OSBPL10: variants seen among roughly 807,000 people sequenced by gnomAD.
OSBPL10 encodes the protein oxysterol-binding protein-related protein 10.
A neutral mutation model predicts 81.7 loss-of-function variants in OSBPL10; 49 were observed. That is an observed-to-expected ratio of 0.60 (90% CI 0.48 to 0.76). The LOEUF (loss-of-function observed/expected upper bound fraction) is 0.76, where lower values mean the gene tolerates loss of function less well. OSBPL10 is among the 30% of genes least tolerant of loss of function. The pLI, the probability that OSBPL10 is intolerant of heterozygous loss-of-function variation, is 0.00. For missense variants in OSBPL10, 923 were observed against 987.8 expected (o/e 0.93, Z 0.88); for synonymous variants, 419 against 383.6 (o/e 1.09, Z -1.08).
At chr3:31,870,616 C>T (rs568975136) in intron 3 of OSBPL10, among the ~76,000 whole-genome samples, 9 of 152,338 alleles carry the variant, frequency 5.9e-5, no homozygotes, top group African/African-American at 2.2e-4. Flanking sequence ...TTATGTCTAG[C>T]GCAGGGATTG....
chr3:31,716,660 C>G (rs546788450), intron 6 of OSBPL10, among the ~76,000 whole-genome samples: 4 of 152,326 alleles, frequency 2.6e-5, no homozygotes, highest in African/African-American at 9.6e-5. Context: ...GGAGACGGCT[C>G]TGGCCTAGAT....
chr3:31,802,429 G>T (rs1277639088), intron 4 of OSBPL10, among the ~76,000 whole-genome samples: 1 of 151,442 alleles, frequency 6.6e-6, no homozygotes, highest in Non-Finnish European at 1.5e-5. Context: ...AGCCAGGCAT[G>T]GTGGCGGGCA....
At chr3:31,902,054 A>T (rs1008491179) in intron 1 of OSBPL10, among the ~76,000 whole-genome samples, 1 of 152,116 alleles carries the variant, frequency 6.6e-6, no homozygotes, top group Non-Finnish European at 1.5e-5. Flanking sequence ...CAAACAAAAA[A>T]GGGCATTTAA....
chr3:31,921,641 C>A (rs1194263670), intron 1 of OSBPL10, among the ~76,000 whole-genome samples: 1 of 152,112 alleles, frequency 6.6e-6, no homozygotes, highest in Non-Finnish European at 1.5e-5. Flanking sequence ...GGAGAAGAGA[C>A]AAATCTCCCA....
chr3:31,761,346 C>T (rs1698032592), intron 4 of OSBPL10, among the ~76,000 whole-genome samples: 1 of 151,510 alleles, frequency 6.6e-6, no homozygotes, highest in Non-Finnish European at 1.5e-5. Context: ...GTGGCACACA[C>T]CCGTAATCCC....
chr3:31,952,335 T>G (rs917419351), intron 1 of OSBPL10, among the ~76,000 whole-genome samples: 8 of 152,140 alleles, frequency 5.3e-5, no homozygotes, highest in Non-Finnish European at 1.2e-4. Flanking sequence ...TTCTTTCACT[T>G]CCCTTCAAGA....
chr3:31,810,786 G>A (rs1699660827), intron 4 of OSBPL10, among the ~76,000 whole-genome samples: 1 of 152,186 alleles, frequency 6.6e-6, no homozygotes, highest in African/African-American at 2.4e-5. Flanking sequence ...ACGGCACAGT[G>A]AGTCCACAGG....
At chr3:31,815,138 AG>A (rs1699805952) in intron 4 of OSBPL10, among the ~76,000 whole-genome samples, 5 of 148,210 alleles carry the variant, frequency 3.4e-5, no homozygotes, top group African/African-American at 1.2e-4. Context: ...ACATGAACAC[AG>A]AGAGATGCCC....
At chr3:31,725,561 T>C (rs74817221) in intron 6 of OSBPL10, among the ~76,000 whole-genome samples, 8,005 of 152,260 alleles carry the variant, frequency 0.053, 670 homozygotes, top group African/African-American at 0.18. Flanking sequence ...AATAATTCCA[T>C]GTATAACTAC....
intron 2 of OSBPL10, among the ~76,000 whole-genome samples, chr3:32,031,912 G>C (rs1394144446): frequency 3.3e-5 from 5 of 152,152 alleles, no homozygotes; most frequent in African/African-American, 1.2e-4. Flanking sequence ...ATAGAAAAAT[G>C]AGTTTGAAAT....
chr3:32,047,450 G>C (rs1317776935), intron 1 of OSBPL10, among the ~76,000 whole-genome samples: 4 of 152,162 alleles, frequency 2.6e-5, no homozygotes, highest in Admixed American at 6.5e-5. Context: ...TCCTGGAACT[G>C]AGGGGTTCTC....
intron 3 of OSBPL10, among the ~76,000 whole-genome samples, chr3:31,861,146 T>C (rs1701048405): frequency 6.6e-6 from 1 of 152,210 alleles, no homozygotes; most frequent in Non-Finnish European, 1.5e-5. Flanking sequence ...GTCATGTTTT[T>C]AATCAATGTG....
intron 3 of OSBPL10, among the ~76,000 whole-genome samples, chr3:31,870,188 G>A (rs1701283505): frequency 6.6e-6 from 1 of 152,252 alleles, no homozygotes; most frequent in South Asian, 2.1e-4. Flanking sequence ...CCAGGTGGGC[G>A]TGGGCTTGGA....
intron 1 of OSBPL10, among the ~76,000 whole-genome samples, chr3:31,917,173 A>G (rs559899694): frequency 6.6e-6 from 1 of 152,256 alleles, no homozygotes; most frequent in South Asian, 2.1e-4. Context: ...TGCCCACACT[A>G]GGCCCCACAC....
At chr3:31,979,983 ATTATTTTATT>A (rs371577529) in intron 1 of OSBPL10, among the ~76,000 whole-genome samples, 4,291 of 150,916 alleles carry the variant, frequency 0.028, 201 homozygotes, top group African/African-American at 0.098. Flanking sequence ...CTTTCTTTTT[ATTATTTTATT>A]TTATTTTATT....
rs1356632924 is a variant in OSBPL10 at position 32,026,031 on chromosome 3, G to GATAA, written n.298+20459_298+20460insTTAT. 6.9e-3 allele frequency among the ~76,000 whole-genome samples: 847 copies of GATAA among 123,490 alleles called. 30 individuals carry two copies. Among genetic ancestry groups the GATAA allele is most frequent in the African/African-American group, 0.025 (785 of 31,136 alleles). The allele number at this position is 123,490 out of a possible 152,430, so 81.0% of individuals were successfully genotyped here. ...ACAGACATAGATAGATAGATAGATA[G>GATAA]ATAGATAGATAGATAGATAGATAGA... On this transcript the variant is annotated intron_variant and non_coding_transcript_variant, in intron 2 of 3. Coordinates refer to the OSBPL10 transcript ENST00000479173.
intron 4 of OSBPL10, among the ~76,000 whole-genome samples, chr3:31,771,933 T>C (rs1698391380): frequency 6.6e-6 from 1 of 152,342 alleles, no homozygotes; most frequent in South Asian, 2.1e-4. Context: ...CCGGGAACAC[T>C]ATGTCATTTT....
chr3:31,886,429 G>A (rs914549800), intron 1 of OSBPL10, among the ~76,000 whole-genome samples: 1 of 152,168 alleles, frequency 6.6e-6, no homozygotes, highest in Non-Finnish European at 1.5e-5. Flanking sequence ...CCCACCTTCT[G>A]CCACGTGAAA....
At chr3:32,066,547 A>AC (rs1188502084) in intron 1 of OSBPL10, 1 of 152,146 alleles carries the variant, frequency 6.6e-6, no homozygotes, top group African/African-American at 2.4e-5. Context: ...TCCATTAGAA[A>AC]CTTGCCCTCC....
Sources: allele counts gnomAD v4.1 joint callset (sites outside exome capture counted in the v4.1 genomes callset), GRCh38; gene constraint gnomAD v4.1.1; transcripts MANE v1.5; gene names NCBI Gene and HGNC (gene_info 2026-07-23, HGNC 2026-07-21).